The following AMD1 variants were observed in gnomAD, a reference collection of about 807,000 sequenced individuals.
AMD1 encodes adenosylmethionine decarboxylase 1.
AMD1 carries 11 observed loss-of-function variants against 40.2 expected under a neutral mutation model. That is an observed-to-expected ratio of 0.27 (90% confidence interval 0.17 to 0.45). The LOEUF is 0.45. Ranked by LOEUF, AMD1 falls within the 20% of genes least tolerant of loss-of-function variation. The pLI is 1.00. For missense variants in AMD1, 257 were observed against 410.2 expected (o/e 0.63, Z 3.23); for synonymous variants, 121 against 130.8 (o/e 0.93, Z 0.51).
the AMD1 span, among the ~76,000 whole-genome samples, chr6:110,860,072 C>T: frequency 6.6e-6 from 1 of 152,150 alleles, no homozygotes; most frequent in Admixed American, 6.6e-5. Context: ...GGTGATCCGC[C>T]CACCTTGGCC....
the AMD1 span, among the ~76,000 whole-genome samples, chr6:110,822,046 A>AATCAAT: frequency 6.6e-6 from 1 of 152,116 alleles, no homozygotes; most frequent in Admixed American, 6.6e-5. Flanking sequence ...ACATAAACAA[A>AATCAAT]ATCAATATTC....
upstream of AMD1, among the ~76,000 whole-genome samples, chr6:110,870,506 CCAGCTA>C (rs1784895641): frequency 6.6e-6 from 1 of 152,054 alleles, no homozygotes; most frequent in South Asian, 2.1e-4. Flanking sequence ...GCCTGTAGTC[CCAGCTA>C]CGTGGGAGGC....
the AMD1 span, among the ~76,000 whole-genome samples, chr6:110,845,144 A>AT: frequency 0.33 from 49,341 of 150,086 alleles, 9,096 homozygotes; most frequent in East Asian, 0.67. Flanking sequence ...GGTTCAAGAG[A>AT]TCTCCTGCCT....
Position 110,892,306 on chromosome 6 carries a change from T to C in AMD1, c.478T>C (p.Tyr160His). The change falls in exon 6 of 9, where the codon TAT becomes CAT. Residue 160 changes from tyrosine (Y) to histidine (H), a missense_variant. By Grantham distance (83) the Tyr-to-His change is moderately conservative. Transcript: ENST00000368885. ...TTTTTAATTTTTATTTAGGTACTTA[T>C]ATACTCTGGATTTCCCAGAGAGTCG... ...GRMNSDCWYL[Y>H]TLDFPESRVI... The C allele has an allele frequency of 6.2e-7, 1 of 1,613,952 alleles. No individual in the cohort carries two copies. The highest frequency in any genetic ancestry group is 8.5e-7 in the Non-Finnish European group (1 of 1,180,020).
the AMD1 span, among the ~76,000 whole-genome samples, chr6:110,857,596 A>ATATATATATAGATGG: frequency 2.5e-5 from 3 of 120,870 alleles, no homozygotes; most frequent in Admixed American, 7.7e-5. Context: ...TATAGATGGT[A>ATATATATATAGATGG]TATATATATA....
the AMD1 span, among the ~76,000 whole-genome samples, chr6:110,869,114 GTTTC>G: frequency 6.6e-6 from 1 of 151,734 alleles, no homozygotes; most frequent in Non-Finnish European, 1.5e-5. Flanking sequence ...TTACAGTGTT[GTTTC>G]TTTCTTCATT....
the AMD1 span, among the ~76,000 whole-genome samples, chr6:110,855,974 G>A: frequency 5.3e-5 from 8 of 152,240 alleles, no homozygotes; most frequent in East Asian, 1.9e-4. Flanking sequence ...CAGCTACTCC[G>A]GAGGCTGCGG....
the AMD1 span, among the ~76,000 whole-genome samples, chr6:110,849,369 T>G: frequency 1.3e-5 from 2 of 152,194 alleles, no homozygotes; most frequent in Non-Finnish European, 2.9e-5. Context: ...AATTTTGAAG[T>G]CTTCATCAGT....
At chr6:110,892,076 A>G (rs1230877524) in intron 4 of AMD1, 85 bp from the exon 5 acceptor site, 1 of 1,442,760 alleles carries the variant, frequency 6.9e-7, no homozygotes, top group Non-Finnish European at 9.7e-7. Flanking sequence ...AAATAGTATC[A>G]TTCTGCTTAT....
At chr6:110,836,012 C>CAAAAAAAAAAAAAAAAAA in the AMD1 span, among the ~76,000 whole-genome samples, 1 of 60,750 alleles carries the variant, frequency 1.6e-5, no homozygotes, top group Non-Finnish European at 3.2e-5. Flanking sequence ...GACCTTGACT[C>CAAAAAAAAAAAAAAAAAA]AAAAAAAAAA....
the AMD1 span, among the ~76,000 whole-genome samples, chr6:110,865,261 G>C: frequency 1.3e-5 from 2 of 152,162 alleles, no homozygotes; most frequent in African/African-American, 4.8e-5. Context: ...TTTCAGATGG[G>C]TAGCTGAGGA....
chr6:110,869,287 C>T, the AMD1 span, among the ~76,000 whole-genome samples: 1 of 151,628 alleles, frequency 6.6e-6, no homozygotes, highest in Non-Finnish European at 1.5e-5. Context: ...CCCGCCACCG[C>T]GCCCGGCTAA....
chr6:110,850,702 A>G, the AMD1 span, among the ~76,000 whole-genome samples: 1 of 152,186 alleles, frequency 6.6e-6, no homozygotes, highest in South Asian at 2.1e-4. Flanking sequence ...GAATTGGGCA[A>G]ATTTTACCAA....
At chr6:110,857,802 T>G in the AMD1 span, among the ~76,000 whole-genome samples, 1 of 148,422 alleles carries the variant, frequency 6.7e-6, no homozygotes, top group African/African-American at 2.5e-5. Context: ...TATATATATA[T>G]AGATGGTATA....
the AMD1 span, among the ~76,000 whole-genome samples, chr6:110,824,534 A>G: frequency 3.9e-5 from 6 of 152,222 alleles, no homozygotes; most frequent in Admixed American, 1.3e-4. Context: ...CTATTCACCA[A>G]TGTAACCAAA....
At chr6:110,889,146 CAGCAGAAAATAGGA>C (rs1359407173) in intron 3 of AMD1, 163 bp downstream of exon 3, 2 of 674,900 alleles carry the variant, frequency 3.0e-6, no homozygotes, top group African/African-American at 3.7e-5. Context: ...TTCTCAAGAA[CAGCAGAAAATAGGA>C]AGCAGAGAAT....
At chr6:110,825,036 C>A in the AMD1 span, among the ~76,000 whole-genome samples, 11 of 152,162 alleles carry the variant, frequency 7.2e-5, no homozygotes, top group Non-Finnish European at 2.9e-5. Context: ...AGTAGTCCCA[C>A]CTTGTCCTTG....
chr6:110,850,670 A>G, the AMD1 span, among the ~76,000 whole-genome samples: 1 of 152,220 alleles, frequency 6.6e-6, no homozygotes, highest in African/African-American at 2.4e-5. Flanking sequence ...TGAAGTGTTA[A>G]AGGAATACGC....
the AMD1 span, among the ~76,000 whole-genome samples, chr6:110,818,820 G>A: frequency 9.8e-5 from 15 of 152,340 alleles, no homozygotes; most frequent in African/African-American, 3.6e-4. Flanking sequence ...TTATAGGCGC[G>A]AGCCTAATTC....
Sources: allele counts gnomAD v4.1 joint callset (sites outside exome capture counted in the v4.1 genomes callset), GRCh38; gene constraint gnomAD v4.1.1; transcripts MANE v1.5; gene names NCBI Gene and HGNC (gene_info 2026-07-23, HGNC 2026-07-21).